The following ITIH5 variants were observed in gnomAD, a reference collection of about 807,000 sequenced individuals.
The protein encoded by ITIH5 is inter-alpha-trypsin inhibitor heavy chain 5, also known as inter-alpha-trypsin inhibitor heavy chain H5.
Under a neutral mutation model 77.5 loss-of-function variants are expected in ITIH5, and 65 were observed. The observed-to-expected ratio is 0.84, with a 90% CI of 0.69 to 1.03. The LOEUF (loss-of-function observed/expected upper bound fraction) is 1.03. Among genes scored for constraint, ITIH5 ranks in the 50% least tolerant of loss-of-function variants. ITIH5 has a pLI of 0.00. For synonymous variants in ITIH5, 525 were observed against 494.3 expected (o/e 1.06, Z -0.82); for missense variants, 1,208 against 1,213.1 (o/e 1.00, Z 0.06).
At chr10:7,600,510 T>C in intron 7 of ITIH5, 1 of 456,798 alleles carries the variant, frequency 2.2e-6, no homozygotes. Flanking sequence ...TCTCTCCTCC[T>C]GGATATTTGT....
At chr10:7,627,449 G>GCTGGTCAGTAGCCTGTCCTCAAAGA (rs1833602980) in intron 5 of ITIH5, among the ~76,000 whole-genome samples, 2 of 152,184 alleles carry the variant, frequency 1.3e-5, no homozygotes, top group Admixed American at 6.5e-5. Context: ...GGGATGTGTG[G>GCTGGTCAGTAGCCTGTCCTCAAAGA]CTGGTCAGTA....
rs183995783 is a variant in ITIH5 at position 7,603,075 on chromosome 10, G to A, written c.939+12907C>T. 1.9e-3 allele frequency among the ~76,000 whole-genome samples: 290 copies of A among 152,230 alleles called. 3 individuals are homozygous for A. The highest frequency in any genetic ancestry group is 5.1e-4 in the Non-Finnish European group (35 of 68,020). ...AAGAAATCCTACACCTGAGCATCAC[G>A]TAAACAACTAAATCCCACCTCTGAG... is the stretch of plus-strand genomic sequence containing the variant. On this transcript the variant is annotated intron_variant, in intron 7 of 13. Transcript: ENST00000397146.
intron 7 of ITIH5, among the ~76,000 whole-genome samples, chr10:7,597,655 T>G (rs761227933): frequency 5.3e-5 from 8 of 150,926 alleles, no homozygotes; most frequent in Non-Finnish European, 8.9e-5. Flanking sequence ...GTACACAGCA[T>G]GGTCCCAAGT....
rs557230573 is a variant in ITIH5, at chr10:7,659,164, G to A, written c.91-3489C>T. The stretch of plus-strand genomic sequence containing the variant: ...GGCTGTGGTGAGTGGATCACCTGAG[G>A]TCAAGAGTTCGAAACCAACCTGGCC... On this transcript the variant is annotated intron_variant, in intron 1 of 13. Transcript: ENST00000397146. Among the ~76,000 whole-genome samples the A allele has an allele frequency of 3.3e-5, 5 of 152,182 alleles. No homozygotes were observed. The South Asian group carries it at 1.0e-3, about 32-fold the overall frequency.
At chr10:7,640,550 T>C (rs67757710) in intron 4 of ITIH5, among the ~76,000 whole-genome samples, 15 of 151,412 alleles carry the variant, frequency 9.9e-5, no homozygotes, top group Non-Finnish European at 1.9e-4. Context: ...GAAGTGAGCA[T>C]GAGAGATAAA....
rs1221205644 is a variant in ITIH5 at position 7,637,293 on chromosome 10, C to A, written c.587G>T (p.Gly196Val). The A allele has an allele frequency of 6.2e-7, 1 of 1,612,950 alleles. No individual in the cohort carries two copies. The highest frequency in any genetic ancestry group is 1.3e-5 in the African/African-American group (1 of 75,062). Residue 196 changes from glycine to valine, a missense_variant, in exon 5 of 14, where the codon GGC (glycine) becomes GTC (valine). Physicochemically the swap from Gly to Val is moderately radical, Grantham distance 109. Coordinates refer to ENST00000397146, the MANE Select transcript of ITIH5 (RefSeq NM_030569.7). ...SVDVNILESAGIASLEVLPLH... is the reference protein window; with the variant it reads ...SVDVNILESAVIASLEVLPLH... Reference sequence around the variant, plus strand: ...CGGCAGCACCTCCAGGGATGCGATGCCCGCGCTCTCCAGGATATTCACGTC... The same window carrying A: ...CGGCAGCACCTCCAGGGATGCGATGACCGCGCTCTCCAGGATATTCACGTC...
At chr10:7,638,937 C>G (rs1833841765) in intron 4 of ITIH5, among the ~76,000 whole-genome samples, 1 of 152,106 alleles carries the variant, frequency 6.6e-6, no homozygotes, top group Non-Finnish European at 1.5e-5. Context: ...TATGTTAAAT[C>G]ATAACATATT....
chr10:7,666,901 G>T lies in ITIH5; in HGVS notation c.-9C>A, dbSNP rs1404114530. 6.3e-7 allele frequency: 1 copy of T among 1,583,986 alleles called. No homozygotes were observed. Among genetic ancestry groups the T allele is most frequent in the East Asian group, 2.4e-5 (1 of 41,752 alleles). On this transcript the variant is annotated 5_prime_UTR_variant, in exon 1 of 14. Transcript: ENST00000397146. ...CCCAGCAGCAGGAGCATGGCGGGGC[G>T]AGGGCGCGGGACGCTCGGGGACCCG...
At chr10:7,651,445 C>T (rs1834099277) in intron 2 of ITIH5, among the ~76,000 whole-genome samples, 3 of 151,854 alleles carry the variant, frequency 2.0e-5, no homozygotes, top group Non-Finnish European at 4.4e-5. Flanking sequence ...TAGCCGAGCG[C>T]GATGATGCAT....
chr10:7,591,980 C>G (rs1293377094), intron 7 of ITIH5, among the ~76,000 whole-genome samples: 1 of 152,204 alleles, frequency 6.6e-6, no homozygotes, highest in East Asian at 1.9e-4. Flanking sequence ...AAGCAATTCT[C>G]CCGCCTCAGC....
intron 1 of ITIH5, among the ~76,000 whole-genome samples, chr10:7,660,299 C>T (rs1017486447): frequency 6.6e-6 from 1 of 152,148 alleles, no homozygotes; most frequent in Non-Finnish European, 1.5e-5. Context: ...ATGAAGAAGA[C>T]AGGGCTGCAG....
intron 7 of ITIH5, among the ~76,000 whole-genome samples, chr10:7,592,090 C>T (rs914868321): frequency 6.6e-6 from 1 of 152,074 alleles, no homozygotes; most frequent in Non-Finnish European, 1.5e-5. Flanking sequence ...AGGATGGTAT[C>T]GATCTCTCGA....
rs551198994 is a variant in ITIH5 at position 7,609,020 on chromosome 10, G to A, written c.939+6962C>T. Among the ~76,000 whole-genome samples, 72 of 152,218 alleles carry A rather than the reference G, an allele frequency of 4.7e-4. 2 individuals are homozygous for A. The highest frequency in any genetic ancestry group is 3.9e-3 in the South Asian group (19 of 4,826). On this transcript the variant is annotated intron_variant, in intron 7 of 13. Transcript: ENST00000397146. ...GGTCTACAGACCACCACTGTGTTACGGTCCATATGTGACGTTACAGAGAAG... is the reference window on the plus strand; with the variant it reads ...GGTCTACAGACCACCACTGTGTTACAGTCCATATGTGACGTTACAGAGAAG...
At chr10:7,644,521 CAT>C (rs1456872474) in intron 2 of ITIH5, among the ~76,000 whole-genome samples, 3 of 123,112 alleles carry the variant, frequency 2.4e-5, no homozygotes, top group East Asian at 4.5e-4. Flanking sequence ...ATATATATCA[CAT>C]ATATATGATA....
In ITIH5 at chr10:7,576,018, T is replaced by C. The variant is rs367597863; in HGVS notation, c.1978+435A>G. Reference sequence around the variant, plus strand: ...GATTATGAGCTGTATATAGTGTTATTGCTTTTTGGTTGGTTGTTTTTTTAG... The same window carrying C: ...GATTATGAGCTGTATATAGTGTTATCGCTTTTTGGTTGGTTGTTTTTTTAG... On this transcript the variant is annotated intron_variant, in intron 10 of 13. Transcript: ENST00000397146. Among the ~76,000 whole-genome samples the C allele has an allele frequency of 1.8e-4, 27 of 152,222 alleles. No homozygotes were observed. In the East Asian group the frequency reaches 5.2e-3, roughly 29 times the overall value.
intron 7 of ITIH5, among the ~76,000 whole-genome samples, chr10:7,613,404 G>A (rs1689921226): frequency 6.6e-6 from 1 of 152,094 alleles, no homozygotes; most frequent in Admixed American, 6.6e-5. Flanking sequence ...AAAAACTTTG[G>A]GAAAAACTTT....
chr10:7,654,393 C>A (rs1200161943), intron 2 of ITIH5, among the ~76,000 whole-genome samples: 1 of 152,234 alleles, frequency 6.6e-6, no homozygotes, highest in African/African-American at 2.4e-5. Context: ...CTCTAGCTGC[C>A]TTTGCTGGGA....
At chr10:7,651,583 G>A (rs1185711903) in intron 2 of ITIH5, among the ~76,000 whole-genome samples, 1 of 151,826 alleles carries the variant, frequency 6.6e-6, no homozygotes, top group African/African-American at 2.4e-5. Context: ...GCTCCAGCCT[G>A]GGCCACAGAG....
Position 7,577,027 on chromosome 10 carries a change from C to T in ITIH5, c.1419-15G>A, listed in dbSNP as rs768838476. ...CATCGTAGAACCTGCAGTGGAAGCA[C>T]AGGGAGGGAGGGAGATCAGGGCCCT... is the stretch of plus-strand genomic sequence containing the variant. On this transcript the variant is annotated splice_polypyrimidine_tract_variant and intron_variant, in intron 9 of 13. Transcript: ENST00000397146. 6.3e-6 allele frequency: 10 copies of T among 1,594,584 alleles called. No individual in the cohort carries two copies. In the South Asian group the frequency reaches 1.0e-4, roughly 16 times the overall value.
Sources: gnomAD v4.1 joint callset for allele counts (sites outside exome capture counted in the v4.1 genomes callset) on GRCh38, gnomAD v4.1.1 for gene constraint, MANE v1.5 for transcripts, NCBI Gene and HGNC (gene_info 2026-07-23, HGNC 2026-07-21) for gene names.